HPS5: variants seen among roughly 807,000 people sequenced by gnomAD.
The protein encoded by HPS5 is BLOC-2 complex member HPS5.
In HPS5, 83 loss-of-function variants were observed where a neutral mutation model predicts 128.0. The ratio of observed to expected loss-of-function variants is 0.65; its 90% CI spans 0.54 to 0.78. The LOEUF is 0.78. Ranked by LOEUF, HPS5 falls within the 30% of genes least tolerant of loss-of-function variation. HPS5 has a pLI of 0.00. For missense variants in HPS5, 1,281 were observed against 1,326.2 expected, an observed-to-expected ratio of 0.97 and a Z score of 0.53; for synonymous variants, 475 against 470.2, an observed-to-expected ratio of 1.01 and a Z score of -0.13.
chr11:18,306,485 A>C (rs1862387421), intron 6 of HPS5, 138 bp from the exon 7 acceptor site: 1 of 640,684 alleles, frequency 1.6e-6, no homozygotes, highest in Non-Finnish European at 2.8e-6. Flanking sequence ...ATACTGAAAA[A>C]AACAATAGAA....
At position 18,282,019 on chromosome 11, in the gene HPS5, A is replaced by G. The variant is rs1411126781; in HGVS notation, c.3260T>C (p.Leu1087Pro). ...AAACTTCTCTGACAACTCAAGGGCCAGACCACATTCCTGTAGCAGTGACCA... is the reference window on the plus strand; with the variant it reads ...AAACTTCTCTGACAACTCAAGGGCCGGACCACATTCCTGTAGCAGTGACCA... ...RAWSLLQECG[L>P]ALELSEKFTR... The change falls in exon 22 of 23, where the codon CTG becomes CCG. Residue 1087 changes from leucine (L) to proline (P), a missense_variant. Coordinates refer to ENST00000349215, the MANE Select transcript of HPS5 (RefSeq NM_181507.2). 6.2e-7 allele frequency: 1 copy of G among 1,614,134 alleles called. No homozygotes were observed. The highest frequency in any genetic ancestry group is 8.5e-7 in the Non-Finnish European group (1 of 1,180,046).
At chr11:18,295,502 T>C (rs1860947304) in intron 13 of HPS5, among the ~76,000 whole-genome samples, 2 of 152,228 alleles carry the variant, frequency 1.3e-5, no homozygotes, top group African/African-American at 4.8e-5. Context: ...GAACAAAGAA[T>C]TGCTTCATGT....
At chr11:18,287,841 CA>C in intron 17 of HPS5, 51 bp downstream of exon 17, 1 of 1,612,340 alleles carries the variant, frequency 6.2e-7, no homozygotes, top group South Asian at 1.1e-5. Flanking sequence ...CTAAAATACA[CA>C]AAAAAATGCA....
intron 2 of HPS5, among the ~76,000 whole-genome samples, chr11:18,317,257 AT>A (rs67379743): frequency 0.42 from 54,971 of 131,792 alleles, 12,137 homozygotes; most frequent in East Asian, 0.56. Flanking sequence ...GGCCTGATAA[AT>A]TTTTTTTTTT....
At position 18,306,198 on chromosome 11, in the gene HPS5, A is replaced by G. The variant is rs1423358876; in HGVS notation, c.761T>C (p.Val254Ala). ...RMWEVNFDGE[V>A]ISTHQFKKLL... is the part of the protein sequence containing the mutation. ...TTTCTTGAACTGATGTGTACTTATA[A>G]CTTCTCCATCAAAGTTCACTTCCCA... The change falls in exon 7 of 23, where the codon GTT becomes GCT. Residue 254 changes from valine (V) to alanine (A), a missense_variant. By Grantham distance (64) the Val-to-Ala change is moderately conservative. Transcript: ENST00000349215. The G allele has an allele frequency of 1.2e-6, 2 of 1,614,044 alleles. No individual in the cohort carries two copies. The highest frequency in any genetic ancestry group is 3.3e-5 in the Admixed American group (2 of 60,014).
In HPS5 at chr11:18,296,948, T is replaced by C. The variant is rs1590087817; in HGVS notation, c.1360A>G (p.Ile454Val). The C allele has an allele frequency of 6.2e-7, 1 of 1,605,944 alleles. No individual in the cohort carries two copies. Among genetic ancestry groups the C allele is most frequent in the Non-Finnish European group, 8.5e-7 (1 of 1,174,636 alleles). ...TGACTGCCTCTTCTACTACTAATGA[T>C]ACGATAAATACCAGAGTCCAAGATG... ...FSILDSGIYR[I>V]ISSRRGSQSD... The change falls in exon 12 of 23, where the codon ATC becomes GTC. Residue 454 changes from isoleucine to valine, a missense_variant. Transcript: ENST00000349215.
At chr11:18,315,358 G>A (rs1437894431) in intron 2 of HPS5, among the ~76,000 whole-genome samples, 3 of 152,172 alleles carry the variant, frequency 2.0e-5, no homozygotes, top group Admixed American at 6.5e-5. Flanking sequence ...GCTCATGCCT[G>A]TAATCCCAGC....
chr11:18,310,549 C>G (rs1474912551), intron 5 of HPS5, among the ~76,000 whole-genome samples, 192 bp downstream of exon 5: 1 of 152,220 alleles, frequency 6.6e-6, no homozygotes, highest in Non-Finnish European at 1.5e-5. Flanking sequence ...AAAAGCCATT[C>G]TGTAACGGTA....
intron 1 of HPS5, among the ~76,000 whole-genome samples, chr11:18,318,206 A>T (rs897526678): frequency 6.6e-6 from 1 of 152,206 alleles, no homozygotes; most frequent in South Asian, 2.1e-4. Flanking sequence ...GAAAATTGGC[A>T]TATCACCCTG....
At position 18,295,400 on chromosome 11, in the gene HPS5, G is replaced by A. The variant is rs149134797; in HGVS notation, c.1635-231C>T. 6.8e-4 allele frequency among the ~76,000 whole-genome samples: 104 copies of A among 152,254 alleles called. 1 individual carries two copies. In the East Asian group the frequency reaches 9.3e-3, roughly 14 times the overall value. On this transcript the variant is annotated intron_variant, in intron 13 of 22. Coordinates refer to ENST00000349215, the MANE Select transcript of HPS5 (RefSeq NM_181507.2). ...TGCCCTAAGAAATCAGTGTTTCAGC[G>A]CTAAAGAAAAGGTCTTTAACTCCAG...
chr11:18,306,646 G>T (rs1235765546), intron 6 of HPS5, among the ~76,000 whole-genome samples: 4 of 152,312 alleles, frequency 2.6e-5, no homozygotes, highest in Non-Finnish European at 5.9e-5. Context: ...TAAAAGGTGA[G>T]TGCTACCAAA....
chr11:18,288,109 C>A, intron 16 of HPS5, 96 bp from the exon 17 acceptor site: 1 of 1,349,970 alleles, frequency 7.4e-7, no homozygotes, highest in Non-Finnish European at 1.0e-6. Context: ...AGTCACGTAC[C>A]TACTGTGTGG....
chr11:18,300,336 A>G (rs1334775897), intron 9 of HPS5, among the ~76,000 whole-genome samples: 1 of 152,142 alleles, frequency 6.6e-6, no homozygotes. Flanking sequence ...CAAATTCACT[A>G]ATGCATGTTT....
At chr11:18,321,443 T>A in intron 1 of HPS5, among the ~76,000 whole-genome samples, 1 of 152,198 alleles carries the variant, frequency 6.6e-6, no homozygotes, top group South Asian at 2.1e-4. Flanking sequence ...ACTAAGAACA[T>A]AGAAGTTGGC....
At chr11:18,321,478 G>A (rs989671985) in intron 1 of HPS5, among the ~76,000 whole-genome samples, 2 of 152,204 alleles carry the variant, frequency 1.3e-5, no homozygotes, top group African/African-American at 4.8e-5. Context: ...CAAAGTAAAT[G>A]AAACAACTTT....
chr11:18,291,389 CTAA>C (rs1473988483), intron 16 of HPS5, 50 bp downstream of exon 16: 5 of 1,173,004 alleles, frequency 4.3e-6, no homozygotes, highest in South Asian at 2.6e-5. Context: ...TTCAAAACTG[CTAA>C]TGTTTTTTAA....
chr11:18,310,533 GTTC>G, intron 5 of HPS5, among the ~76,000 whole-genome samples: 1 of 152,200 alleles, frequency 6.6e-6, no homozygotes, highest in Non-Finnish European at 1.5e-5. Flanking sequence ...ACTGAAGTTA[GTTC>G]ACAAAAGCCA....
intron 6 of HPS5, 84 bp downstream of exon 6, chr11:18,308,862 G>A: frequency 1.5e-6 from 2 of 1,349,062 alleles, no homozygotes; most frequent in South Asian, 2.4e-5. Flanking sequence ...ATAACTGATT[G>A]ATGGGGCTTG....
In HPS5 at chr11:18,282,077, G is replaced by T; in HGVS notation, c.3202C>A (p.Leu1068Met). Reference sequence around the variant, plus strand: ...TCTGGGCCCATGGCCTTAGCTAACAGAAGTGCCACATTCTCCACATTGATG... The same window carrying T: ...TCTGGGCCCATGGCCTTAGCTAACATAAGTGCCACATTCTCCACATTGATG... The part of the protein sequence containing the change: ...SPINVENVAL[L>M]LAKAMGPDRA... The change falls in exon 22 of 23, where the codon CTG becomes ATG. Residue 1068 changes from leucine to methionine, a missense_variant. Coordinates refer to ENST00000349215, the MANE Select transcript of HPS5 (RefSeq NM_181507.2). The T allele has an allele frequency of 1.2e-6, 2 of 1,614,232 alleles. No individual in the cohort carries two copies. The highest frequency in any genetic ancestry group is 1.7e-6 in the Non-Finnish European group (2 of 1,180,050).
Sources: gnomAD v4.1 joint callset for allele counts (sites outside exome capture counted in the v4.1 genomes callset) on GRCh38, gnomAD v4.1.1 for gene constraint, MANE v1.5 for transcripts, NCBI Gene and HGNC (gene_info 2026-07-23, HGNC 2026-07-21) for gene names.